CEP97: variants seen among roughly 807,000 people sequenced by gnomAD.
The protein encoded by CEP97 is centrosomal protein of 97 kDa.
In CEP97, 43 loss-of-function variants were observed where a neutral mutation model predicts 73.1. The ratio of observed to expected loss-of-function variants is 0.59; its 90% CI spans 0.46 to 0.76. CEP97 has a LOEUF of 0.76. Among genes scored for constraint, CEP97 ranks in the 30% least tolerant of loss-of-function variants. The pLI is 0.00. For missense variants in CEP97, 939 were observed against 1,014.0 expected (o/e 0.93, Z 1.00); for synonymous variants, 337 against 370.0 (o/e 0.91, Z 1.02).
At chr3:101,728,990 A>C in intron 4 of CEP97, 53 bp downstream of exon 4, 1 of 1,032,978 alleles carries the variant, frequency 9.7e-7, no homozygotes, top group Non-Finnish European at 1.5e-6. Flanking sequence ...ATACCAAGAG[A>C]AAGTAATCTT....
At chr3:101,744,809 G>C (rs952682047) in intron 6 of CEP97, among the ~76,000 whole-genome samples, 6 of 152,122 alleles carry the variant, frequency 3.9e-5, no homozygotes, top group Admixed American at 3.9e-4. Flanking sequence ...TATTTTCCTG[G>C]TCAACATTGA....
Position 101,766,353 on chromosome 3 carries a change from C to A in CEP97, c.*802C>A, listed in dbSNP as rs963720220. 2 of 152,426 alleles carry A rather than the reference C, an allele frequency of 1.3e-5. No individual in the cohort carries two copies. Among genetic ancestry groups the A allele is most frequent in the Non-Finnish European group, 2.9e-5 (2 of 68,010 alleles). The allele number at this position is 152,426 out of a possible 1,614,324, so 9.4% of individuals were successfully genotyped here. ...ATCCTCTCATTAAGTGCTTTTTCAC[C>A]CTATAGGTAAGCATTTTTGTGCCAA... On this transcript the variant is annotated 3_prime_UTR_variant, in exon 11 of 11. Coordinates refer to ENST00000341893, the MANE Select transcript of CEP97 (RefSeq NM_024548.4).
At chr3:101,755,624 A>G in intron 7 of CEP97, 30 bp downstream of exon 7, 1 of 1,606,668 alleles carries the variant, frequency 6.2e-7, no homozygotes, top group Admixed American at 1.7e-5. Flanking sequence ...ACAACTGATG[A>G]ATTCACAAGT....
At chr3:101,746,098 T>G (rs1408574838) in intron 6 of CEP97, among the ~76,000 whole-genome samples, 4 of 152,272 alleles carry the variant, frequency 2.6e-5, no homozygotes, top group Non-Finnish European at 5.9e-5. Flanking sequence ...TTATTTTTTA[T>G]GGCTGCATAG....
intron 4 of CEP97, among the ~76,000 whole-genome samples, 165 bp downstream of exon 4, chr3:101,729,102 G>T (rs970603702): frequency 6.6e-6 from 1 of 152,136 alleles, no homozygotes; most frequent in African/African-American, 2.4e-5. Flanking sequence ...CCAGCACTTT[G>T]AGAGGCTGAG....
chr3:101,728,269 T>G lies in CEP97; in HGVS notation c.346-567T>G, dbSNP rs144025478. ...ATTACTATGGTTTCTTTTGTTTTTT[T>G]TTTTTTTTTGATGGAGTTTTGCTCT... On this transcript the variant is annotated intron_variant, in intron 3 of 10. Coordinates refer to ENST00000341893, the MANE Select transcript of CEP97 (RefSeq NM_024548.4). 1.2e-4 allele frequency among the ~76,000 whole-genome samples: 18 copies of G among 151,748 alleles called. No homozygotes were observed. The East Asian group carries it at 2.9e-3, about 24-fold the overall frequency.
rs1350579794 is a variant in CEP97, at chr3:101,766,190, G to T, written c.*639G>T. On this transcript the variant is annotated 3_prime_UTR_variant, in exon 11 of 11. Transcript: ENST00000341893. ...AAACTTCAGTTAATGTCATGCATCAGTTTTAACATATGAAGTAAAGTGTTC... is the reference window on the plus strand; with the variant it reads ...AAACTTCAGTTAATGTCATGCATCATTTTTAACATATGAAGTAAAGTGTTC... 6.6e-6 allele frequency: 1 copy of T among 152,166 alleles called. No individual in the cohort carries two copies. The highest frequency in any genetic ancestry group is 1.9e-4 in the East Asian group (1 of 5,206). The allele number at this position is 152,166 out of a possible 1,614,324, so 9.4% of individuals were successfully genotyped here.
rs1330104734 is a variant in CEP97, at chr3:101,755,434, A to G, written c.733A>G (p.Lys245Glu). 6.2e-7 allele frequency: 1 copy of G among 1,613,786 alleles called. No homozygotes were observed. The highest frequency in any genetic ancestry group is 1.7e-5 in the Admixed American group (1 of 59,980). The change falls in exon 7 of 11, where the codon AAA becomes GAA. Residue 245 changes from lysine (K) to glutamate (E), a missense_variant. Transcript: ENST00000341893. ...TTTTATGTTCCCCAATTCCAGTTTG[A>G]AAGCTGAATGGCTCTATAGTCAAGG... ...GYVISQKESL[K>E]AEWLYSQGKG...
rs1939029879 is a variant in CEP97, at chr3:101,757,168, T to A, written c.999T>A (p.Val333=). Residue 333 remains valine, a synonymous_variant, in exon 8 of 11, where the codon GTT becomes GTA. Coordinates refer to ENST00000341893, the MANE Select transcript of CEP97 (RefSeq NM_024548.4). ...TTATTCCTGAGCATTCAAGCCCTGT[T>A]CAAGATTGCCAGATATCCCAGGAAA... ...ASLIPEHSSP[V]QDCQISQESE... The A allele has an allele frequency of 6.2e-7, 1 of 1,610,202 alleles. No individual in the cohort carries two copies. Among genetic ancestry groups the A allele is most frequent in the African/African-American group, 1.3e-5 (1 of 74,850 alleles).
chr3:101,753,206 A>G (rs1413333027), intron 6 of CEP97, among the ~76,000 whole-genome samples: 1 of 152,136 alleles, frequency 6.6e-6, no homozygotes, highest in East Asian at 1.9e-4. Context: ...CTGCAGAACA[A>G]CAGATTTTCG....
At chr3:101,745,928 C>T (rs1010397859) in intron 6 of CEP97, among the ~76,000 whole-genome samples, 1 of 152,064 alleles carries the variant, frequency 6.6e-6, no homozygotes, top group Non-Finnish European at 1.5e-5. Context: ...ACAACAGTCC[C>T]CAGAGTGTAA....
At chr3:101,725,018 G>T (rs1336469754) in intron 1 of CEP97, among the ~76,000 whole-genome samples, 1 of 152,220 alleles carries the variant, frequency 6.6e-6, no homozygotes, top group Non-Finnish European at 1.5e-5. Flanking sequence ...GGGCTGCGAT[G>T]ACCTTTCTTG....
chr3:101,747,535 A>G (rs1376952081), intron 6 of CEP97, among the ~76,000 whole-genome samples: 1 of 149,938 alleles, frequency 6.7e-6, no homozygotes, highest in Non-Finnish European at 1.5e-5. Context: ...TTGGGATTAC[A>G]GGCGTGAGCC....
intron 1 of CEP97, among the ~76,000 whole-genome samples, 186 bp downstream of exon 1, chr3:101,724,905 C>A (rs756803112): frequency 7.2e-5 from 11 of 152,230 alleles, no homozygotes; most frequent in Non-Finnish European, 1.2e-4. Flanking sequence ...AGCTCTCCGG[C>A]GTCGCGGTGA....
Position 101,766,179 on chromosome 3 carries a change from G to A in CEP97, c.*628G>A. The A allele has an allele frequency of 6.6e-6, 1 of 152,302 alleles. No individual in the cohort carries two copies. The highest frequency in any genetic ancestry group is 6.5e-5 in the Admixed American group (1 of 15,290). 9.4% of individuals were successfully genotyped at this position (152,302 alleles called of 1,614,324 possible). On this transcript the variant is annotated 3_prime_UTR_variant, in exon 11 of 11. Transcript: ENST00000341893. Reference sequence around the variant, plus strand: ...TGTCTCATGGAAAACTTCAGTTAATGTCATGCATCAGTTTTAACATATGAA... The same window carrying A: ...TGTCTCATGGAAAACTTCAGTTAATATCATGCATCAGTTTTAACATATGAA...
chr3:101,746,147 G>T (rs1319029587), intron 6 of CEP97, among the ~76,000 whole-genome samples: 2 of 152,112 alleles, frequency 1.3e-5, no homozygotes, highest in Non-Finnish European at 2.9e-5. Context: ...TCTTAATCCA[G>T]TCTATCATTG....
In CEP97 at chr3:101,761,384, G is replaced by T. The variant is rs1027660860; in HGVS notation, c.1818-1101G>T. ...TATGAGAATGGGTGACTGACATGGG[G>T]TGGATTATTGTTAGAGCATCCATGT... On this transcript the variant is annotated intron_variant, in intron 9 of 10. Coordinates refer to ENST00000341893, the MANE Select transcript of CEP97 (RefSeq NM_024548.4). Among the ~76,000 whole-genome samples the T allele has an allele frequency of 8.0e-4, 122 of 152,192 alleles. 1 individual carries two copies. The highest frequency in any genetic ancestry group is 5.9e-5 in the Non-Finnish European group (4 of 68,032).
At chr3:101,738,011 C>CAAAAAAAAAAAAAA (rs770745532) in intron 6 of CEP97, among the ~76,000 whole-genome samples, 14 of 44,222 alleles carry the variant, frequency 3.2e-4, no homozygotes, top group East Asian at 1.7e-3. Context: ...AAATGGAAAG[C>CAAAAAAAAAAAAAA]AAAAAAAAAA....
intron 6 of CEP97, among the ~76,000 whole-genome samples, chr3:101,746,399 A>G (rs1938617350): frequency 6.7e-6 from 1 of 149,446 alleles, no homozygotes; most frequent in Non-Finnish European, 1.5e-5. Context: ...CTGATCTTTG[A>G]CAAACCTGAG....
Sources: allele counts gnomAD v4.1 joint callset (sites outside exome capture counted in the v4.1 genomes callset), GRCh38; gene constraint gnomAD v4.1.1; transcripts MANE v1.5; gene names NCBI Gene and HGNC (gene_info 2026-07-23, HGNC 2026-07-21).